RTTN: variants seen among roughly 807,000 people sequenced by gnomAD.
RTTN encodes rotatin.
A neutral mutation model predicts 269.2 loss-of-function variants in RTTN; 182 were observed. The ratio of observed to expected loss-of-function variants is 0.68; its 90% confidence interval spans 0.60 to 0.76. The LOEUF is 0.76. Among genes scored for constraint, RTTN ranks in the 30% least tolerant of loss-of-function variants. The pLI is 0.00. For missense variants in RTTN, 2,545 were observed against 2,608.6 expected (o/e 0.98, Z 0.53); for synonymous variants, 1,006 against 963.5 (o/e 1.04, Z -0.82).
chr18:70,176,491 A>C (rs2061304546), intron 11 of RTTN, among the ~76,000 whole-genome samples, 184 bp downstream of exon 11: 1 of 152,210 alleles, frequency 6.6e-6, no homozygotes, highest in South Asian at 2.1e-4. Flanking sequence ...ATGATTTGTC[A>C]AAATTGTTCA....
intron 14 of RTTN, among the ~76,000 whole-genome samples, chr18:70,154,378 C>T (rs771149792): frequency 2.0e-5 from 3 of 152,102 alleles, no homozygotes; most frequent in Non-Finnish European, 2.9e-5. Flanking sequence ...ATTTTCCTAT[C>T]TGCAAAAATT....
At chr18:70,029,400 T>C (rs749215561) in intron 42 of RTTN, among the ~76,000 whole-genome samples, 4 of 152,194 alleles carry the variant, frequency 2.6e-5, no homozygotes, top group Non-Finnish European at 5.9e-5. Context: ...GTAGTTATTA[T>C]ATAACTATGT....
chr18:70,156,037 A>G (rs908239409), intron 14 of RTTN, among the ~76,000 whole-genome samples: 1 of 152,168 alleles, frequency 6.6e-6, no homozygotes, highest in Non-Finnish European at 1.5e-5. Flanking sequence ...ATTGTAGAGC[A>G]TGTGTGTTTG....
chr18:70,121,607 TTTTC>T lies in RTTN; in HGVS notation c.3473_3476del (p.Arg1158LysfsTer5), dbSNP rs748977366. On this transcript the variant is annotated frameshift_variant, in exon 26 of 49. Transcript: ENST00000640769. LOFTEE classifies it high-confidence loss of function. The stretch of plus-strand genomic sequence containing the variant: ...AGTTTAGAAGTTCTAGTGAAGAATT[TTTTC>T]TTTGTTCCTTTATTAATTTATTTAA... 3 of 1,582,700 alleles carry T rather than the reference TTTTC, an allele frequency of 1.9e-6. No homozygotes were observed.
chr18:70,016,104 G>A (rs2056529253), intron 46 of RTTN, among the ~76,000 whole-genome samples: 1 of 152,126 alleles, frequency 6.6e-6, no homozygotes, highest in South Asian at 2.1e-4. Flanking sequence ...CCACAGTAAG[G>A]TTAGGTCTGC....
chr18:70,079,224 GA>G (rs1196429110), intron 32 of RTTN, among the ~76,000 whole-genome samples: 10 of 149,106 alleles, frequency 6.7e-5, no homozygotes, highest in South Asian at 2.1e-4. Context: ...TTTATTACTT[GA>G]AAAAAAAATT....
intron 11 of RTTN, among the ~76,000 whole-genome samples, chr18:70,175,308 C>G (rs2061262698): frequency 6.6e-6 from 1 of 151,812 alleles, no homozygotes; most frequent in Non-Finnish European, 1.5e-5. Context: ...AAGACTAGCA[C>G]AGAAGATAGT....
chr18:70,204,121 G>C lies in RTTN; in HGVS notation c.362C>G (p.Ala121Gly). The change falls in exon 3 of 49, where the codon GCA (alanine) becomes GGA (glycine). Residue 121 changes from alanine to glycine, a missense_variant. Coordinates refer to ENST00000640769, the MANE Select transcript of RTTN (RefSeq NM_173630.4). ...GLFLLPSEVP[A>G]LSSASYQTNQ... The stretch of plus-strand genomic sequence containing the variant: ...GGTTTGGTATGAGGCAGAAGATAGT[G>C]CAGGAACTTCCGAAGGAAGAAGAAA... The C allele has an allele frequency of 1.2e-6, 2 of 1,613,790 alleles. No individual in the cohort carries two copies. The highest frequency in any genetic ancestry group is 1.7e-6 in the Non-Finnish European group (2 of 1,179,734).
chr18:70,056,015 C>T (rs1308212732), intron 37 of RTTN, among the ~76,000 whole-genome samples: 1 of 152,186 alleles, frequency 6.6e-6, no homozygotes, highest in Non-Finnish European at 1.5e-5. Flanking sequence ...TCTGACACAC[C>T]CTTTTACCCA....
intron 19 of RTTN, 127 bp downstream of exon 19, chr18:70,142,161 G>T: frequency 1.6e-6 from 1 of 615,576 alleles, no homozygotes; most frequent in Non-Finnish European, 2.8e-6. Flanking sequence ...CTTGAGGGCT[G>T]TCAAAAAAAA....
intron 20 of RTTN, 158 bp downstream of exon 20, chr18:70,139,942 C>A: frequency 1.5e-6 from 1 of 646,000 alleles, no homozygotes; most frequent in Non-Finnish European, 2.7e-6. Flanking sequence ...TTTATAGAGA[C>A]TCCACTTTTC....
In RTTN at chr18:70,168,919, C is replaced by A. The variant is rs370094779; in HGVS notation, c.1625G>T (p.Arg542Leu). ...AATTGAATAAACGGCCTCTGCAGTT[C>A]GTTTATAAATACTGTAGTTTTCAGA... is the stretch of plus-strand genomic sequence containing the variant. ...LNSENYSIYKRTAEAVYSIEC... is the reference protein window; with the variant it reads ...LNSENYSIYKLTAEAVYSIEC... The change falls in exon 12 of 49, where the codon CGA becomes CTA. Residue 542 changes from arginine to leucine, a missense_variant. By Grantham distance (102) the Arg-to-Leu change is moderately radical. Coordinates refer to ENST00000640769, the MANE Select transcript of RTTN (RefSeq NM_173630.4). 1.2e-6 allele frequency: 2 copies of A among 1,613,258 alleles called. No homozygotes were observed. The highest frequency in any genetic ancestry group is 1.7e-5 in the Admixed American group (1 of 59,992).
rs576609060 is a variant in RTTN at position 70,121,731 on chromosome 18, T to C, written c.3384-31A>G. The C allele has an allele frequency of 1.1e-4, 174 of 1,513,642 alleles. 1 individual carries two copies. The highest frequency in any genetic ancestry group is 1.5e-4 in the Non-Finnish European group (168 of 1,136,564). The allele number at this position is 1,513,642 out of a possible 1,614,324, so 93.8% of individuals were successfully genotyped here. On this transcript the variant is annotated intron_variant, in intron 25 of 48. Coordinates refer to ENST00000640769, the MANE Select transcript of RTTN (RefSeq NM_173630.4). ...ATGAAAAGACAATAATCATGGTTTC[T>C]GGCGCTTTAAAATACACAATACCAC...
intron 32 of RTTN, among the ~76,000 whole-genome samples, chr18:70,077,156 T>A (rs1401484696): frequency 6.6e-6 from 1 of 151,916 alleles, no homozygotes; most frequent in Non-Finnish European, 1.5e-5. Flanking sequence ...ATCAAAGTTG[T>A]ACAAAAACTA....
rs898876882 is a variant in RTTN at position 70,197,711 on chromosome 18, T to G, written c.606A>C (p.Leu202Phe). The change falls in exon 6 of 49, where the codon TTA (leucine) becomes TTC (phenylalanine). Residue 202 changes from leucine (L) to phenylalanine (F), a missense_variant. Transcript: ENST00000640769. ...TCAATAGTTCACAGGTGTTCCAGAT[T>G]AAAGTGTGGTTACTACTTCTTAAAG... ...ESSLRSSNHT[L>F]IWNTCELLKD... 1.2e-5 allele frequency: 19 copies of G among 1,610,362 alleles called. No individual in the cohort carries two copies. The highest frequency in any genetic ancestry group is 1.6e-5 in the Non-Finnish European group (19 of 1,176,734).
chr18:70,009,309 T>C (rs923977862), intron 46 of RTTN, among the ~76,000 whole-genome samples: 6 of 152,192 alleles, frequency 3.9e-5, no homozygotes, highest in African/African-American at 1.4e-4. Flanking sequence ...CTAATTTTTT[T>C]GTATTTTTAT....
At chr18:70,150,514 C>T in intron 15 of RTTN, 94 bp downstream of exon 15, 1 of 1,171,914 alleles carries the variant, frequency 8.5e-7, no homozygotes, top group Non-Finnish European at 1.2e-6. Flanking sequence ...TTTTTAGTTT[C>T]TCACCATGCT....
intron 25 of RTTN, among the ~76,000 whole-genome samples, chr18:70,123,563 T>C (rs1197616174): frequency 6.6e-6 from 1 of 152,016 alleles, no homozygotes; most frequent in Non-Finnish European, 1.5e-5. Context: ...TTAGATTCCA[T>C]ATATAAGACA....
At chr18:70,040,889 A>G (rs1420237910) in intron 40 of RTTN, among the ~76,000 whole-genome samples, 1 of 152,178 alleles carries the variant, frequency 6.6e-6, no homozygotes, top group Admixed American at 6.5e-5. Context: ...GGGTTAATGA[A>G]AAAATTAAGA....
Sources: gnomAD v4.1 joint callset for allele counts (sites outside exome capture counted in the v4.1 genomes callset) on GRCh38, gnomAD v4.1.1 for gene constraint, MANE v1.5 for transcripts, NCBI Gene and HGNC (gene_info 2026-07-23, HGNC 2026-07-21) for gene names.